The following GOLGA1 variants were observed in gnomAD, a reference collection of about 807,000 sequenced individuals.
GOLGA1 encodes golgin subfamily A member 1.
GOLGA1 carries 63 observed loss-of-function variants against 119.7 expected under a neutral mutation model. The observed-to-expected ratio is 0.53, with a 90% CI of 0.43 to 0.65. GOLGA1 has a LOEUF of 0.65. Among genes scored for constraint, GOLGA1 ranks in the 30% least tolerant of loss-of-function variants. GOLGA1 has a pLI of 0.00. For synonymous variants in GOLGA1, 318 were observed against 333.4 expected (o/e 0.95, Z 0.50); for missense variants, 798 against 912.8 (o/e 0.87, Z 1.62).
intron 15 of GOLGA1, among the ~76,000 whole-genome samples, chr9:124,896,622 T>G (rs1016540083): frequency 6.6e-6 from 1 of 152,068 alleles, no homozygotes; most frequent in African/African-American, 2.4e-5. Context: ...AAAACAAAAC[T>G]TCTCACATCA....
chr9:124,898,340 A>C (rs1830022528), intron 15 of GOLGA1, among the ~76,000 whole-genome samples: 1 of 152,214 alleles, frequency 6.6e-6, no homozygotes, highest in Non-Finnish European at 1.5e-5. Flanking sequence ...AATGACATTA[A>C]CTGCCAAATG....
intron 14 of GOLGA1, 128 bp downstream of exon 14, chr9:124,899,199 CAA>C: frequency 1.3e-6 from 1 of 765,624 alleles, no homozygotes; most frequent in Non-Finnish European, 2.0e-6. Context: ...CTGTCTCAAA[CAA>C]AAAAAAAGCT....
At chr9:124,910,785 T>C (rs1053282454) in intron 11 of GOLGA1, among the ~76,000 whole-genome samples, 4 of 152,136 alleles carry the variant, frequency 2.6e-5, no homozygotes, top group Non-Finnish European at 5.9e-5. Context: ...AACCCTATTG[T>C]GAACTGTGCA....
chr9:124,915,151 G>C (rs1830415367), intron 10 of GOLGA1, among the ~76,000 whole-genome samples: 1 of 152,152 alleles, frequency 6.6e-6, no homozygotes, highest in South Asian at 2.1e-4. Flanking sequence ...CATCAATTCT[G>C]GGTGGTGGTC....
At position 124,882,525 on chromosome 9, in the gene GOLGA1, A is replaced by T. The variant is rs77294330; in HGVS notation, c.1950T>A (p.Thr650=). The T allele has an allele frequency of 1.8e-3, 2,893 of 1,612,132 alleles. 47 individuals carry two copies. In the African/African-American group the frequency reaches 0.035, roughly 19 times the overall value. The change falls in exon 20 of 23, where the codon ACT becomes ACA. Residue 650 remains threonine (T), a synonymous_variant. Transcript: ENST00000373555. ...MQQRMLELRK[T]LQKELKIRPD... ...GAGTACTCACCAGCTCCTTCTGCAG[A>T]GTCTTCCGGAGCTCCAGCATCCGCT...
At chr9:124,936,445 A>T (rs931162801) in intron 3 of GOLGA1, among the ~76,000 whole-genome samples, 16 of 151,526 alleles carry the variant, frequency 1.1e-4, no homozygotes, top group South Asian at 6.3e-4. Flanking sequence ...TCTTTTTTTT[A>T]AAAAAAATCT....
intron 10 of GOLGA1, among the ~76,000 whole-genome samples, chr9:124,915,513 T>A (rs1315089891): frequency 6.6e-6 from 1 of 152,168 alleles, no homozygotes; most frequent in Non-Finnish European, 1.5e-5. Flanking sequence ...CACTTGTCTA[T>A]CCTTTTGGTT....
rs1378046050 is a variant in GOLGA1 at position 124,904,952 on chromosome 9, A to AT, written c.1065+3424_1065+3425insA. 4.2e-3 allele frequency among the ~76,000 whole-genome samples: 624 copies of AT among 147,714 alleles called. 7 individuals carry two copies. Among genetic ancestry groups the AT allele is most frequent in the Middle Eastern group, 0.017 (5 of 286 alleles). On this transcript the variant is annotated intron_variant, in intron 12 of 22. Transcript: ENST00000373555. ...GAGCCAGACTCTGTCTCAAAAAAAA[A>AT]AAATAAATAAAATAAAATAAATTAA...
chr9:124,938,991 T>C (rs1050624089), intron 2 of GOLGA1, 125 bp from the exon 3 acceptor site: 1 of 279,718 alleles, frequency 3.6e-6, no homozygotes, highest in Admixed American at 5.2e-5. Flanking sequence ...AGAACACAAT[T>C]ACTAAACATT....
intron 12 of GOLGA1, among the ~76,000 whole-genome samples, chr9:124,900,926 T>C (rs1830089770): frequency 6.6e-6 from 1 of 152,170 alleles, no homozygotes; most frequent in South Asian, 2.1e-4. Context: ...GGCTTTCTGT[T>C]TTTCCCATCT....
In GOLGA1 at chr9:124,898,847, AT is replaced by A. The variant is rs562500973; in HGVS notation, c.1312-204del. On this transcript the variant is annotated intron_variant, in intron 14 of 22. Transcript: ENST00000373555. ...AAAGAAAACCCATCTGTTTTGTTTT[AT>A]AAAAAGCAGCCTTTATACATCCAGT... 3.3e-4 allele frequency among the ~76,000 whole-genome samples: 50 copies of A among 152,334 alleles called. 2 individuals carry two copies. In the East Asian group the frequency reaches 9.4e-3, roughly 29 times the overall value.
chr9:124,911,815 C>T (rs1830346178), intron 11 of GOLGA1, 86 bp downstream of exon 11: 1 of 1,205,122 alleles, frequency 8.3e-7, no homozygotes, highest in Non-Finnish European at 1.2e-6. Flanking sequence ...GCTGGCCCTA[C>T]AGCTCTGAAA....
At chr9:124,913,001 TTTAA>T (rs1349440943) in intron 10 of GOLGA1, among the ~76,000 whole-genome samples, 1 of 152,162 alleles carries the variant, frequency 6.6e-6, no homozygotes. Context: ...AGGAAAGAGA[TTTAA>T]TTGACTCACA....
chr9:124,918,872 T>A (rs965873673), intron 10 of GOLGA1, among the ~76,000 whole-genome samples: 1 of 152,220 alleles, frequency 6.6e-6, no homozygotes, highest in Non-Finnish European at 1.5e-5. Context: ...GTCCTCCTGA[T>A]CCTTGACATT....
intron 3 of GOLGA1, among the ~76,000 whole-genome samples, chr9:124,932,341 C>T (rs913337951): frequency 1.1e-4 from 17 of 152,272 alleles, no homozygotes; most frequent in Non-Finnish European, 1.8e-4. Flanking sequence ...CAATAATTCA[C>T]CTCAAATATT....
chr9:124,939,218 C>T (rs1288671453), intron 2 of GOLGA1, among the ~76,000 whole-genome samples: 1 of 152,082 alleles, frequency 6.6e-6, no homozygotes. Flanking sequence ...ACATCAACAT[C>T]ATATATTCAT....
At chr9:124,887,269 G>A (rs1016128376) in intron 19 of GOLGA1, 8 of 152,676 alleles carry the variant, frequency 5.2e-5, no homozygotes, top group African/African-American at 7.2e-5. Flanking sequence ...TGAGCAATGC[G>A]AGCTGAGGTG....
chr9:124,895,384 T>C (rs1452478859), intron 15 of GOLGA1, among the ~76,000 whole-genome samples: 7 of 86,282 alleles, frequency 8.1e-5, no homozygotes, highest in Admixed American at 1.4e-4. Context: ...CAGAGAACCC[T>C]CCACAACAGA....
chr9:124,925,224 T>A (rs1336605645), intron 7 of GOLGA1, among the ~76,000 whole-genome samples: 1 of 152,150 alleles, frequency 6.6e-6, no homozygotes, highest in African/African-American at 2.4e-5. Context: ...TACCAAAATT[T>A]TAAAAGATAA....
Sources: gnomAD v4.1 joint callset for allele counts (sites outside exome capture counted in the v4.1 genomes callset) on GRCh38, gnomAD v4.1.1 for gene constraint, MANE v1.5 for transcripts, NCBI Gene and HGNC (gene_info 2026-07-23, HGNC 2026-07-21) for gene names.